The following KCNQ5 variants were observed in gnomAD, a reference collection of about 807,000 sequenced individuals.
The protein encoded by KCNQ5 is potassium voltage-gated channel subfamily KQT member 5.
Under a neutral mutation model 98.2 loss-of-function variants are expected in KCNQ5, and 30 were observed. The observed-to-expected ratio is 0.31, with a 90% confidence interval of 0.23 to 0.41. The LOEUF (loss-of-function observed/expected upper bound fraction) is 0.41, where lower values mean the gene tolerates loss of function less well. KCNQ5 is among the 10% of genes least tolerant of loss of function. KCNQ5 has a pLI of 1.00. For missense variants in KCNQ5, 835 were observed against 1,182.5 expected (o/e 0.71, Z 4.31); for synonymous variants, 458 against 449.4 (o/e 1.02, Z -0.24).
chr6:73,012,823 T>C (rs144369065), intron 2 of KCNQ5, among the ~76,000 whole-genome samples: 36 of 150,954 alleles, frequency 2.4e-4, no homozygotes, highest in Non-Finnish European at 7.4e-5. Flanking sequence ...GAACTTAAAA[T>C]AAAACTAAAA....
intron 3 of KCNQ5, among the ~76,000 whole-genome samples, chr6:73,046,852 A>G (rs1384805866): frequency 1.3e-5 from 2 of 152,112 alleles, no homozygotes; most frequent in African/African-American, 4.8e-5. Context: ...CGTGTTGGCC[A>G]GGCTGGTCTT....
chr6:72,800,991 C>T (rs1375307761), intron 1 of KCNQ5, among the ~76,000 whole-genome samples: 3 of 151,788 alleles, frequency 2.0e-5, no homozygotes, highest in South Asian at 2.1e-4. Flanking sequence ...GTCTGAGAGA[C>T]AGTTTGTTAT....
At chr6:73,188,982 CAAAA>C (rs67431655) in intron 11 of KCNQ5, among the ~76,000 whole-genome samples, 5 of 82,416 alleles carry the variant, frequency 6.1e-5, no homozygotes, top group Non-Finnish European at 7.1e-5. Context: ...GACTCTGTCT[CAAAA>C]AAAAAAAAAA....
chr6:73,081,111 A>C (rs1488344595), intron 5 of KCNQ5, among the ~76,000 whole-genome samples: 2 of 152,226 alleles, frequency 1.3e-5, no homozygotes, highest in African/African-American at 2.4e-5. Flanking sequence ...ATACAAAAGG[A>C]ACAAAAAAAG....
At chr6:72,637,254 G>GT (rs34457612) in intron 1 of KCNQ5, among the ~76,000 whole-genome samples, 86,735 of 150,668 alleles carry the variant, frequency 0.58, 26,881 homozygotes, top group Middle Eastern at 0.76. Context: ...CAAAAGTTGT[G>GT]TTTTTTTTTA....
At chr6:72,702,639 A>G (rs1355352597) in intron 1 of KCNQ5, among the ~76,000 whole-genome samples, 1 of 152,148 alleles carries the variant, frequency 6.6e-6, no homozygotes, top group Non-Finnish European at 1.5e-5. Context: ...ATAAGTTGTG[A>G]TGTTCTCCCA....
intron 1 of KCNQ5, among the ~76,000 whole-genome samples, chr6:72,668,737 C>G (rs1282502725): frequency 1.4e-5 from 2 of 142,938 alleles, no homozygotes; most frequent in Non-Finnish European, 3.1e-5. Flanking sequence ...TTTCTGGGAG[C>G]TCATGTGCTC....
intron 1 of KCNQ5, among the ~76,000 whole-genome samples, chr6:72,984,343 T>G (rs1768635197): frequency 6.6e-6 from 1 of 152,216 alleles, no homozygotes; most frequent in South Asian, 2.1e-4. Flanking sequence ...CAGGCAGGCC[T>G]TGTTGAGCTG....
At chr6:72,702,876 A>G (rs138779809) in intron 1 of KCNQ5, among the ~76,000 whole-genome samples, 3 of 152,316 alleles carry the variant, frequency 2.0e-5, no homozygotes, top group Non-Finnish European at 2.9e-5. Flanking sequence ...CTTCCTTAGA[A>G]TCAGTCTTGA....
rs574053589 is a variant in KCNQ5 at position 73,053,172 on chromosome 6, G to A, written c.616+11110G>A. Among the ~76,000 whole-genome samples, 14 of 152,142 alleles carry A rather than the reference G, an allele frequency of 9.2e-5. 1 individual carries two copies. The South Asian group carries it at 1.2e-3, about 14-fold the overall frequency. ...AGAAAGGCATTACATAATGGTAAAG[G>A]GTTCACCTCAAAAGGCCAGACTTAA... On this transcript the variant is annotated intron_variant, in intron 3 of 13. Coordinates refer to ENST00000370398, the MANE Select transcript of KCNQ5 (RefSeq NM_019842.4).
intron 9 of KCNQ5, among the ~76,000 whole-genome samples, chr6:73,126,969 A>T (rs1776013535): frequency 1.3e-5 from 2 of 152,210 alleles, no homozygotes. Flanking sequence ...AGAAATAAAA[A>T]ATTAAAAACA....
At chr6:72,807,179 G>A (rs1447503372) in intron 1 of KCNQ5, among the ~76,000 whole-genome samples, 1 of 151,946 alleles carries the variant, frequency 6.6e-6, no homozygotes, top group Non-Finnish European at 1.5e-5. Flanking sequence ...AATTTTGATA[G>A]CATCATGTCT....
chr6:73,169,521 C>G (rs1464017376), intron 10 of KCNQ5, among the ~76,000 whole-genome samples: 1 of 152,222 alleles, frequency 6.6e-6, no homozygotes, highest in Non-Finnish European at 1.5e-5. Flanking sequence ...ATAGCTTCAT[C>G]TTGCCCGTAG....
At chr6:72,865,757 G>A (rs1471792259) in intron 1 of KCNQ5, among the ~76,000 whole-genome samples, 1 of 152,134 alleles carries the variant, frequency 6.6e-6, no homozygotes, top group Non-Finnish European at 1.5e-5. Context: ...CTACTCATGT[G>A]TACCCCTCAT....
At chr6:73,149,415 C>T (rs1440870545) in intron 10 of KCNQ5, among the ~76,000 whole-genome samples, 1 of 152,126 alleles carries the variant, frequency 6.6e-6, no homozygotes, top group Non-Finnish European at 1.5e-5. Context: ...AAGCATAAAG[C>T]TTTTAGAAAA....
At chr6:72,953,422 T>C (rs566142905) in intron 1 of KCNQ5, among the ~76,000 whole-genome samples, 1 of 152,356 alleles carries the variant, frequency 6.6e-6, no homozygotes, top group South Asian at 2.1e-4. Context: ...TGTGTTTTAG[T>C]TGCTTTCTCA....
chr6:72,945,128 A>G (rs1355094348), intron 1 of KCNQ5, among the ~76,000 whole-genome samples: 2 of 152,228 alleles, frequency 1.3e-5, no homozygotes, highest in African/African-American at 4.8e-5. Flanking sequence ...ACTCATTGTT[A>G]TAACAATATG....
chr6:72,905,566 T>A (rs1779665927), intron 1 of KCNQ5, among the ~76,000 whole-genome samples: 1 of 152,082 alleles, frequency 6.6e-6, no homozygotes, highest in African/African-American at 2.4e-5. Context: ...TCCCGTGGGG[T>A]GTTCCCTTGA....
At chr6:72,852,356 C>T (rs943185826) in intron 1 of KCNQ5, among the ~76,000 whole-genome samples, 1 of 151,684 alleles carries the variant, frequency 6.6e-6, no homozygotes, top group South Asian at 2.1e-4. Context: ...ATAGAATCAA[C>T]CTATGTGCCC....
Sources: allele counts gnomAD v4.1 joint callset (sites outside exome capture counted in the v4.1 genomes callset), GRCh38; gene constraint gnomAD v4.1.1; transcripts MANE v1.5; gene names NCBI Gene and HGNC (gene_info 2026-07-23, HGNC 2026-07-21).